The following ATRNL1 variants were observed in gnomAD, a reference collection of about 807,000 sequenced individuals.
ATRNL1 encodes the protein attractin-like protein 1.
Under a neutral mutation model 182.7 loss-of-function variants are expected in ATRNL1, and 95 were observed. That is an observed-to-expected ratio of 0.52 (90% confidence interval 0.44 to 0.62). The LOEUF is 0.62. Among genes scored for constraint, ATRNL1 ranks in the 20% least tolerant of loss-of-function variants. The pLI, the probability that ATRNL1 is intolerant of heterozygous loss-of-function variation, is 0.00. For missense variants in ATRNL1, 1,471 were observed against 1,679.5 expected, an observed-to-expected ratio of 0.88 and a Z score of 2.17; for synonymous variants, 576 against 568.3, an observed-to-expected ratio of 1.01 and a Z score of -0.19.
intron 26 of ATRNL1, among the ~76,000 whole-genome samples, chr10:115,583,615 C>CT (rs1855282715): frequency 7.4e-6 from 1 of 134,700 alleles, no homozygotes; most frequent in Non-Finnish European, 1.7e-5. Context: ...CCTGAAACTT[C>CT]GCTGAAGTTG....
At chr10:115,814,486 A>C (rs1472120662) in intron 27 of ATRNL1, among the ~76,000 whole-genome samples, 14 of 152,210 alleles carry the variant, frequency 9.2e-5, no homozygotes, top group Admixed American at 6.5e-4. Flanking sequence ...TTAAATTTTG[A>C]AAATAAATTT....
chr10:115,246,584 C>T (rs1162286358), intron 10 of ATRNL1, among the ~76,000 whole-genome samples: 1 of 61,520 alleles, frequency 1.6e-5, no homozygotes, highest in Non-Finnish European at 3.5e-5. Context: ...GACGGAGTCT[C>T]GCTCTGTCGC....
intron 9 of ATRNL1, among the ~76,000 whole-genome samples, chr10:115,231,580 G>C (rs1554900027): frequency 6.6e-6 from 1 of 152,132 alleles, no homozygotes; most frequent in African/African-American, 2.4e-5. Context: ...GAAAGATCAA[G>C]AAGATGTAAG....
At position 115,753,037 on chromosome 10, in the gene ATRNL1, A is replaced by C. The variant is rs1948490518; in HGVS notation, c.3903+25682A>C. Reference sequence around the variant, plus strand: ...ACACTAGGTGAATTAGTTTACCTACAGCTCAATTTCTGCATCTAGAAGATA... The same window carrying C: ...ACACTAGGTGAATTAGTTTACCTACCGCTCAATTTCTGCATCTAGAAGATA... On this transcript the variant is annotated intron_variant, in intron 27 of 28. Coordinates refer to ENST00000355044, the MANE Select transcript of ATRNL1 (RefSeq NM_207303.4). Among the ~76,000 whole-genome samples the C allele has an allele frequency of 2.0e-5, 3 of 152,064 alleles. No individual in the cohort carries two copies. The South Asian group carries it at 6.2e-4, about 32-fold the overall frequency.
chr10:115,149,366 G>T (rs574159933), intron 5 of ATRNL1, among the ~76,000 whole-genome samples: 1 of 151,840 alleles, frequency 6.6e-6, no homozygotes, highest in African/African-American at 2.4e-5. Flanking sequence ...AATGATTTTG[G>T]GGCTGTTTTT....
intron 20 of ATRNL1, among the ~76,000 whole-genome samples, chr10:115,402,831 G>A (rs1844630218): frequency 6.6e-6 from 1 of 151,944 alleles, no homozygotes; most frequent in Non-Finnish European, 1.5e-5. Context: ...CTTACTTCAG[G>A]CTTAAGACCC....
At chr10:115,696,424 C>T (rs1415128823) in intron 26 of ATRNL1, among the ~76,000 whole-genome samples, 3 of 152,268 alleles carry the variant, frequency 2.0e-5, no homozygotes, top group Admixed American at 2.0e-4. Flanking sequence ...GAGCCAAGAT[C>T]GTGCCACTGC....
intron 26 of ATRNL1, among the ~76,000 whole-genome samples, chr10:115,629,897 C>A (rs979925726): frequency 3.4e-4 from 51 of 152,044 alleles, no homozygotes; most frequent in African/African-American, 1.0e-3. Context: ...TGAATGTTGA[C>A]TTTTGAATTA....
intron 27 of ATRNL1, among the ~76,000 whole-genome samples, chr10:115,792,953 A>T (rs755083286): frequency 9.9e-5 from 15 of 152,034 alleles, no homozygotes; most frequent in Non-Finnish European, 1.9e-4. Context: ...TCTTTGAGAG[A>T]CATGTTATTG....
rs117854958 is a variant in ATRNL1 at position 115,633,423 on chromosome 10, G to T, written c.3795+83887G>T. Among the ~76,000 whole-genome samples the T allele has an allele frequency of 1.1e-3, 164 of 152,180 alleles. 1 individual carries two copies. In the East Asian group the frequency reaches 0.03, roughly 28 times the overall value. ...GTTTCTTACTGTGTGTTTGAATTTG[G>T]TCTATAGATTTACACTATAAGGAAA... On this transcript the variant is annotated intron_variant, in intron 26 of 28. Coordinates refer to ENST00000355044, the MANE Select transcript of ATRNL1 (RefSeq NM_207303.4).
chr10:115,884,025 A>G (rs2134447368), intron 28 of ATRNL1, among the ~76,000 whole-genome samples: 1 of 152,380 alleles, frequency 6.6e-6, no homozygotes, highest in East Asian at 1.9e-4. Flanking sequence ...GCATTTAGAT[A>G]TGGGCTTCTG....
chr10:115,479,432 A>G (rs1554973724), intron 24 of ATRNL1, among the ~76,000 whole-genome samples: 1 of 151,592 alleles, frequency 6.6e-6, no homozygotes, highest in Non-Finnish European at 1.5e-5. Context: ...ATTTAAACAT[A>G]TTATTTGATT....
chr10:115,914,097 A>G (rs1162343773), intron 28 of ATRNL1, among the ~76,000 whole-genome samples: 1 of 152,078 alleles, frequency 6.6e-6, no homozygotes, highest in Non-Finnish European at 1.5e-5. Context: ...TGATGGTTTT[A>G]TAAGGGGTTT....
intron 21 of ATRNL1, among the ~76,000 whole-genome samples, chr10:115,451,859 C>A (rs1369735389): frequency 6.6e-6 from 1 of 152,056 alleles, no homozygotes; most frequent in Non-Finnish European, 1.5e-5. Flanking sequence ...TGGAATCAAC[C>A]CAAATGCCCA....
chr10:115,790,291 C>T (rs1019045348), intron 27 of ATRNL1, among the ~76,000 whole-genome samples: 1 of 151,824 alleles, frequency 6.6e-6, no homozygotes, highest in Admixed American at 6.6e-5. Flanking sequence ...TTTGAAAGAG[C>T]CTTCTTTCCT....
At chr10:115,807,845 CTT>C (rs1276640726) in intron 27 of ATRNL1, among the ~76,000 whole-genome samples, 1 of 152,112 alleles carries the variant, frequency 6.6e-6, no homozygotes, top group East Asian at 1.9e-4. Flanking sequence ...GAAATAGCTT[CTT>C]GTTCTTTATT....
At chr10:115,401,582 A>C (rs1844565814) in intron 20 of ATRNL1, among the ~76,000 whole-genome samples, 1 of 152,156 alleles carries the variant, frequency 6.6e-6, no homozygotes, top group South Asian at 2.1e-4. Flanking sequence ...CCTAGCTTAA[A>C]ATGTGGACAG....
At chr10:115,301,662 A>G (rs1853475413) in intron 16 of ATRNL1, among the ~76,000 whole-genome samples, 193 bp from the exon 17 acceptor site, 1 of 152,224 alleles carries the variant, frequency 6.6e-6, no homozygotes, top group African/African-American at 2.4e-5. Context: ...CAAAGGAGTT[A>G]TACATTTTCA....
At chr10:115,646,036 T>TACACACAC (rs58679995) in intron 26 of ATRNL1, among the ~76,000 whole-genome samples, 10,297 of 141,540 alleles carry the variant, frequency 0.073, 399 homozygotes, top group African/African-American at 0.083. Flanking sequence ...TTTTAAAATT[T>TACACACAC]ACACACACAC....
Sources: allele counts gnomAD v4.1 joint callset (sites outside exome capture counted in the v4.1 genomes callset), GRCh38; gene constraint gnomAD v4.1.1; transcripts MANE v1.5; gene names NCBI Gene and HGNC (gene_info 2026-07-23, HGNC 2026-07-21).